HIVEP2: variants seen among roughly 807,000 people sequenced by gnomAD.
The protein encoded by HIVEP2 is transcription factor HIVEP2.
Under a neutral mutation model 180.7 loss-of-function variants are expected in HIVEP2, and 14 were observed. That is an observed-to-expected ratio of 0.08 (90% CI 0.05 to 0.12). HIVEP2 has a LOEUF of 0.12. Ranked by LOEUF, HIVEP2 falls within the 10% of genes least tolerant of loss-of-function variation. The probability of loss-of-function intolerance (pLI) is 1.00; values close to 1 mark genes in which losing one functional copy is unlikely to be tolerated. For synonymous variants in HIVEP2, 1,184 were observed against 1,136.4 expected (o/e 1.04, Z -0.84); for missense variants, 2,579 against 3,008.5 (o/e 0.86, Z 3.34).
chr6:142,758,392 G>C (rs984139203), intron 9 of HIVEP2, among the ~76,000 whole-genome samples: 1 of 152,192 alleles, frequency 6.6e-6, no homozygotes, highest in African/African-American at 2.4e-5. Context: ...TCAGGATTCA[G>C]GGTGGTGGAA....
intron 1 of HIVEP2, among the ~76,000 whole-genome samples, chr6:142,902,643 T>C (rs1315462004): frequency 6.6e-6 from 1 of 152,166 alleles, no homozygotes; most frequent in East Asian, 1.9e-4. Flanking sequence ...ACACTTCAGT[T>C]TTTTCTTTGC....
Position 142,870,168 on chromosome 6 carries a change from C to T in HIVEP2, c.-640-33121G>A, listed in dbSNP as rs1776253647. On this transcript the variant is annotated intron_variant, in intron 1 of 9. Coordinates refer to ENST00000367603, the MANE Select transcript of HIVEP2 (RefSeq NM_006734.4). ...CACACCCTGCCAATCCTTTGGGGTTCAGCACCAAAGGTTATTATTGACTTG... is the reference window on the plus strand; with the variant it reads ...CACACCCTGCCAATCCTTTGGGGTTTAGCACCAAAGGTTATTATTGACTTG... Among the ~76,000 whole-genome samples, 3 of 151,954 alleles carry T rather than the reference C, an allele frequency of 2.0e-5. No individual in the cohort carries two copies. The South Asian group carries it at 6.2e-4, about 32-fold the overall frequency.
chr6:142,862,343 C>T (rs1212890662), intron 1 of HIVEP2, among the ~76,000 whole-genome samples: 1 of 150,602 alleles, frequency 6.6e-6, no homozygotes, highest in African/African-American at 2.4e-5. Flanking sequence ...TTATGTAATA[C>T]ATCTATTATA....
At chr6:142,818,775 AAG>A (rs1223867110) in intron 2 of HIVEP2, among the ~76,000 whole-genome samples, 1 of 148,448 alleles carries the variant, frequency 6.7e-6, no homozygotes, top group East Asian at 2.0e-4. Flanking sequence ...GAAAGAAAGA[AAG>A]AAAGAAAGAA....
At chr6:142,787,117 G>A (rs1382204402) in intron 2 of HIVEP2, among the ~76,000 whole-genome samples, 1 of 152,044 alleles carries the variant, frequency 6.6e-6, no homozygotes, top group Non-Finnish European at 1.5e-5. Flanking sequence ...TTAAGCAGGT[G>A]TGGTGGTGCA....
In HIVEP2 at chr6:142,793,656, C is replaced by CTTTCTTTCTTT. The variant is rs1269273663; in HGVS notation, c.-527-10042_-527-10041insAAAGAAAGAAA. 6.5e-5 allele frequency among the ~76,000 whole-genome samples: 5 copies of CTTTCTTTCTTT among 77,350 alleles called. No individual in the cohort carries two copies. In the East Asian group the frequency reaches 1.5e-3, roughly 23 times the overall value. The allele number at this position is 77,350 out of a possible 152,430, so 50.7% of individuals were successfully genotyped here. A position where few individuals can be genotyped will look rare whatever the true frequency, so the allele number is the denominator to read the frequency against. On this transcript the variant is annotated intron_variant, in intron 2 of 9. Transcript: ENST00000367603. ...TCTTTCTTTCTTTCTTTCTTTCTTT[C>CTTTCTTTCTTT]TTTTTTCTTTCTTTCTTTCTCTCTC...
At chr6:142,903,244 C>T (rs893621219) in intron 1 of HIVEP2, among the ~76,000 whole-genome samples, 3 of 152,330 alleles carry the variant, frequency 2.0e-5, no homozygotes, top group East Asian at 1.9e-4. Context: ...CAGAACACAA[C>T]ATTTTCAATA....
chr6:142,770,811 A>G lies in HIVEP2; in HGVS notation c.3928T>C (p.Ser1310Pro). The G allele has an allele frequency of 6.2e-7, 1 of 1,614,196 alleles. No homozygotes were observed. The highest frequency in any genetic ancestry group is 8.5e-7 in the Non-Finnish European group (1 of 1,180,038). Residue 1310 changes from serine to proline, a missense_variant, in exon 5 of 10, where the codon TCT (serine) becomes CCT (proline). This residue lies in a region of HIVEP2 where 523 missense variants were observed against 577.0 expected (regional missense o/e 0.91). Coordinates refer to ENST00000367603, the MANE Select transcript of HIVEP2 (RefSeq NM_006734.4). The surrounding 1 kb of genome is among the most constrained non-coding windows in gnomAD (Gnocchi z 4.7). ...DQSSKSTETPSEQVLQEDFAS... is the reference protein window; with the variant it reads ...DQSSKSTETPPEQVLQEDFAS... ...AAATCTTCTTGAAGAACCTGCTCAG[A>G]GGGCGTTTCAGTTGACTTACTGCTC...
intron 1 of HIVEP2, among the ~76,000 whole-genome samples, chr6:142,906,224 T>C (rs1233082894): frequency 6.6e-6 from 1 of 152,174 alleles, no homozygotes; most frequent in African/African-American, 2.4e-5. Flanking sequence ...CATGAAAAAC[T>C]AACCAGAAAC....
Position 142,774,525 on chromosome 6 carries a change from G to GCTC in HIVEP2, c.213_214insGAG (p.Ser71_Pro72insGlu). The GCTC allele has an allele frequency of 6.2e-7, 1 of 1,614,164 alleles. No individual in the cohort carries two copies. Among genetic ancestry groups the GCTC allele is most frequent in the Non-Finnish European group, 8.5e-7 (1 of 1,180,038 alleles). On this transcript the variant is annotated inframe_insertion, in exon 5 of 10. Coordinates refer to ENST00000367603, the MANE Select transcript of HIVEP2 (RefSeq NM_006734.4). This position sits in a 1 kb window ranked among gnomAD's most constrained non-coding sequence, Gnocchi z 5.1. ...GCGACTTGCTGCACCACTTCACTAG[G>GCTC]GGAGGCCAGTTTCCCAGAACCAAAC... is the stretch of plus-strand genomic sequence containing the variant.
chr6:142,773,164 G>A lies in HIVEP2; in HGVS notation c.1575C>T (p.Gly525=). ...GAGCTTCTAAGAGAACCGGGTTGCT[G>A]CCTTGGAAGTTTGCTGGATAAAGTT... ...EGKLYPANFQ[G]SNPVLLEAPV... The change falls in exon 5 of 10, where the codon GGC becomes GGT. Residue 525 remains glycine, a synonymous_variant. Transcript: ENST00000367603. 1 of 1,614,206 alleles carries A rather than the reference G, an allele frequency of 6.2e-7. No homozygotes were observed. Among genetic ancestry groups the A allele is most frequent in the Non-Finnish European group, 8.5e-7 (1 of 1,180,030 alleles).
intron 1 of HIVEP2, among the ~76,000 whole-genome samples, chr6:142,913,804 G>A (rs747611978): frequency 2.6e-5 from 4 of 152,168 alleles, no homozygotes; most frequent in African/African-American, 7.2e-5. Flanking sequence ...ACGCCATCTC[G>A]TGGCTCACCA....
chr6:142,923,587 AC>A (rs1255609378), intron 1 of HIVEP2, among the ~76,000 whole-genome samples: 2 of 152,176 alleles, frequency 1.3e-5, no homozygotes, highest in Non-Finnish European at 1.5e-5. Flanking sequence ...GATCCCAAAC[AC>A]ACCATCTGTT....
chr6:142,894,853 A>G (rs1453899509), intron 1 of HIVEP2, among the ~76,000 whole-genome samples: 3 of 152,150 alleles, frequency 2.0e-5, no homozygotes, highest in Admixed American at 6.6e-5. Flanking sequence ...ACTCCACTAC[A>G]CTGTCCCCAC....
chr6:142,759,815 A>G lies in HIVEP2; in HGVS notation c.6473T>C (p.Met2158Thr), dbSNP rs758271026. 6.2e-7 allele frequency: 1 copy of G among 1,612,512 alleles called. No homozygotes were observed. The highest frequency in any genetic ancestry group is 8.5e-7 in the Non-Finnish European group (1 of 1,179,016). Residue 2158 changes from methionine (M) to threonine (T), a missense_variant, in exon 9 of 10, where the codon ATG becomes ACG. Physicochemically the swap from Met to Thr is moderately conservative, Grantham distance 81. Transcript: ENST00000367603. Reference protein sequence around the residue: ...RALYHNPPLSMGQYLQAEPIV... With the variant: ...RALYHNPPLSTGQYLQAEPIV... Reference sequence around the variant, plus strand: ...TGGCTCTGCTTGCAAATACTGTCCCATGGACAATGGTGGGTTATGGTATAA... The same window carrying G: ...TGGCTCTGCTTGCAAATACTGTCCCGTGGACAATGGTGGGTTATGGTATAA...
chr6:142,761,480 T>C lies in HIVEP2; in HGVS notation c.5604A>G (p.Thr1868=), dbSNP rs948552361. 1.9e-6 allele frequency: 3 copies of C among 1,589,430 alleles called. No individual in the cohort carries two copies. Among genetic ancestry groups the C allele is most frequent in the Non-Finnish European group, 2.6e-6 (3 of 1,157,558 alleles). ...LGVSMTSVDD[T]ETEEAENLED... is the part of the protein sequence containing the mutation. ...CATACACACCTGCTTCCTCAGTTTCTGTATCATCCACCGATGTCATTGAGA... is the reference window on the plus strand; with the variant it reads ...CATACACACCTGCTTCCTCAGTTTCCGTATCATCCACCGATGTCATTGAGA... The change falls in exon 8 of 10, where the codon ACA becomes ACG. Residue 1868 remains threonine (T), a synonymous_variant. Coordinates refer to ENST00000367603, the MANE Select transcript of HIVEP2 (RefSeq NM_006734.4).
intron 1 of HIVEP2, among the ~76,000 whole-genome samples, chr6:142,849,683 G>GT (rs1398682445): frequency 4.0e-5 from 6 of 151,794 alleles, no homozygotes; most frequent in Non-Finnish European, 8.8e-5. Flanking sequence ...CCTGGCTAAT[G>GT]TTTTTTGTAT....
chr6:142,851,407 T>C (rs746626092), intron 1 of HIVEP2, among the ~76,000 whole-genome samples: 1 of 152,246 alleles, frequency 6.6e-6, no homozygotes, highest in Non-Finnish European at 1.5e-5. Flanking sequence ...GTTAAAAGTT[T>C]GGGCTGACTA....
intron 1 of HIVEP2, among the ~76,000 whole-genome samples, chr6:142,837,938 A>G (rs962761771): frequency 3.3e-5 from 5 of 152,086 alleles, no homozygotes; most frequent in Non-Finnish European, 5.9e-5. Context: ...ATCAAACACA[A>G]TCATATTCAA....
Sources: allele counts gnomAD v4.1 joint callset (sites outside exome capture counted in the v4.1 genomes callset), GRCh38; gene constraint gnomAD v4.1.1; regional missense constraint gnomAD v4.1.1; non-coding constraint Gnocchi (gnomAD v3.1); transcripts MANE v1.5; gene names NCBI Gene and HGNC (gene_info 2026-07-23, HGNC 2026-07-21).